The following TCF4 variants were observed in gnomAD, a reference collection of about 807,000 sequenced individuals.
The protein encoded by TCF4 is transcription factor 4.
TCF4 carries 3 observed loss-of-function variants against 82.1 expected under a neutral mutation model. The observed-to-expected ratio is 0.04, with a 90% CI of 0.02 to 0.09. The LOEUF is 0.09. TCF4 is among the 10% of genes least tolerant of loss of function. TCF4 has a pLI of 1.00. For synonymous variants in TCF4, 276 were observed against 309.6 expected (o/e 0.89, Z 1.14); for missense variants, 518 against 852.7 (o/e 0.61, Z 4.89).
chr18:55,421,707 T>C (rs1166343478), intron 5 of TCF4, among the ~76,000 whole-genome samples: 1 of 152,202 alleles, frequency 6.6e-6, no homozygotes, highest in Non-Finnish European at 1.5e-5. Flanking sequence ...ATAATCATCA[T>C]TTTTTAACCT....
chr18:55,606,252 A>G (rs2097702113), intron 2 of TCF4, among the ~76,000 whole-genome samples: 1 of 152,028 alleles, frequency 6.6e-6, no homozygotes, highest in Non-Finnish European at 1.5e-5. Flanking sequence ...AATAACACAC[A>G]CTTTCTTCCT....
intron 3 of TCF4, among the ~76,000 whole-genome samples, chr18:55,546,056 A>T (rs2147050617): frequency 6.6e-6 from 1 of 152,238 alleles, no homozygotes; most frequent in South Asian, 2.1e-4. Flanking sequence ...ACGTAAGTGC[A>T]GGGTCCAGTG....
intron 6 of TCF4, among the ~76,000 whole-genome samples, chr18:55,354,092 T>C (rs1203467859): frequency 6.6e-6 from 1 of 152,214 alleles, no homozygotes. Flanking sequence ...TTTAGCATTT[T>C]GCTTAACTGT....
At position 55,403,526 on chromosome 18, in the gene TCF4, G is replaced by T. The variant is rs1247454948; in HGVS notation, c.305-8C>A. The T allele has an allele frequency of 6.2e-7, 1 of 1,613,652 alleles. No individual in the cohort carries two copies. The highest frequency in any genetic ancestry group is 1.1e-5 in the South Asian group (1 of 91,070). ...AGCCCCTTTCTGTTTTACCTGCCAA[G>T]AGAAACGACAAAAAAGTGTAAATTG... On this transcript the variant is annotated splice_polypyrimidine_tract_variant and splice_region_variant and intron_variant, in intron 5 of 19. Coordinates refer to ENST00000354452, the MANE Select transcript of TCF4 (RefSeq NM_001083962.2).
chr18:55,333,694 C>T (rs2078044112), intron 8 of TCF4, among the ~76,000 whole-genome samples: 2 of 152,328 alleles, frequency 1.3e-5, no homozygotes, highest in South Asian at 4.1e-4. Flanking sequence ...CTGTGTATTA[C>T]ATCTAATCTG....
At chr18:55,262,466 A>C (rs2058260429) in intron 11 of TCF4, among the ~76,000 whole-genome samples, 2 of 152,214 alleles carry the variant, frequency 1.3e-5, no homozygotes, top group Non-Finnish European at 2.9e-5. Context: ...ATAGTATCTA[A>C]ATAAAACCTA....
chr18:55,241,959 C>T (rs1278451626), intron 15 of TCF4, among the ~76,000 whole-genome samples: 2 of 152,178 alleles, frequency 1.3e-5, no homozygotes, highest in Non-Finnish European at 2.9e-5. Flanking sequence ...CAGTTCCCTC[C>T]TATTTTTAAA....
At chr18:55,448,372 T>C (rs1176945732) in intron 5 of TCF4, among the ~76,000 whole-genome samples, 3 of 152,236 alleles carry the variant, frequency 2.0e-5, no homozygotes, top group East Asian at 1.9e-4. Context: ...ACACCAATTA[T>C]TAATTATCCG....
chr18:55,568,387 TCAG>T (rs1236178858), intron 3 of TCF4, among the ~76,000 whole-genome samples: 1 of 151,072 alleles, frequency 6.6e-6, no homozygotes, highest in Non-Finnish European at 1.5e-5. Flanking sequence ...AATTATGGAG[TCAG>T]CAGAGATTAA....
At chr18:55,619,890 G>T (rs2097715940) in intron 2 of TCF4, among the ~76,000 whole-genome samples, 1 of 152,082 alleles carries the variant, frequency 6.6e-6, no homozygotes, top group East Asian at 1.9e-4. Context: ...TTTGATCCTG[G>T]AGGATTCATA....
chr18:55,539,452 G>A (rs928872723), intron 3 of TCF4, among the ~76,000 whole-genome samples: 3 of 152,156 alleles, frequency 2.0e-5, no homozygotes, highest in African/African-American at 7.2e-5. Flanking sequence ...TAAAATTAAT[G>A]TAAAAACTAA....
chr18:55,530,563 G>GGC (rs2097050182), intron 3 of TCF4, among the ~76,000 whole-genome samples: 1 of 137,024 alleles, frequency 7.3e-6, no homozygotes, highest in South Asian at 2.2e-4. Context: ...CCCTGAAAAG[G>GGC]GGGGGGGAAA....
intron 3 of TCF4, among the ~76,000 whole-genome samples, chr18:55,468,315 T>C (rs2096076815): frequency 6.6e-6 from 1 of 152,122 alleles, no homozygotes; most frequent in Admixed American, 6.5e-5. Flanking sequence ...AGCTATTAAG[T>C]AGACAAAGCA....
At chr18:55,635,956 T>C in exon 1 of TCF4, 2 of 1,585,894 alleles carry the variant, frequency 1.3e-6, no homozygotes, top group South Asian at 2.3e-5. Context: ...ACTGTAGACA[T>C]CAAGAGAATG....
chr18:55,496,907 A>C (rs2096643505), intron 3 of TCF4, among the ~76,000 whole-genome samples: 1 of 151,974 alleles, frequency 6.6e-6, no homozygotes, highest in South Asian at 2.1e-4. Flanking sequence ...AAAAAAAAAA[A>C]AAAAAAAAGT....
chr18:55,476,549 C>T (rs566071905), intron 3 of TCF4, among the ~76,000 whole-genome samples: 7 of 151,870 alleles, frequency 4.6e-5, no homozygotes, highest in East Asian at 1.9e-4. Context: ...GATCAGGGCT[C>T]GCTGCAACCT....
At chr18:55,444,621 T>C (rs1359905462) in intron 5 of TCF4, among the ~76,000 whole-genome samples, 2 of 152,188 alleles carry the variant, frequency 1.3e-5, no homozygotes, top group Non-Finnish European at 2.9e-5. Flanking sequence ...TTCTAAAAGT[T>C]AGAGCTGTCA....
Position 55,247,626 on chromosome 18 carries a change from G to A in TCF4, c.1350+6871C>T, listed in dbSNP as rs1029123163. Among the ~76,000 whole-genome samples, 8 of 152,152 alleles carry A rather than the reference G, an allele frequency of 5.3e-5. 1 individual carries two copies. In the South Asian group the frequency reaches 1.2e-3, roughly 24 times the overall value. ...TTCTTAAGCACTGTGTTCAGTTTGCGGTTCCACACACTAAAAGGTTCTTGT... is the reference window on the plus strand; with the variant it reads ...TTCTTAAGCACTGTGTTCAGTTTGCAGTTCCACACACTAAAAGGTTCTTGT... On this transcript the variant is annotated intron_variant, in intron 15 of 19. Coordinates refer to ENST00000354452, the MANE Select transcript of TCF4 (RefSeq NM_001083962.2).
At chr18:55,463,806 A>G (rs1441192923) in intron 4 of TCF4, among the ~76,000 whole-genome samples, 1 of 152,198 alleles carries the variant, frequency 6.6e-6, no homozygotes, top group Non-Finnish European at 1.5e-5. Context: ...TCTGGTTAGC[A>G]GAAGTGGAAC....
Sources: gnomAD v4.1 joint callset for allele counts (sites outside exome capture counted in the v4.1 genomes callset) on GRCh38, gnomAD v4.1.1 for gene constraint, MANE v1.5 for transcripts, NCBI Gene and HGNC (gene_info 2026-07-23, HGNC 2026-07-21) for gene names.